HSPG2: variants seen among roughly 807,000 people sequenced by gnomAD.
HSPG2 encodes heparan sulfate proteoglycan 2, also known as basement membrane-specific heparan sulfate proteoglycan core protein.
A neutral mutation model predicts 526.6 loss-of-function variants in HSPG2; 278 were observed. The observed-to-expected ratio is 0.53, with a 90% CI of 0.48 to 0.58. The LOEUF (loss-of-function observed/expected upper bound fraction) is 0.58, where lower values mean the gene tolerates loss of function less well. Ranked by LOEUF, HSPG2 falls within the 20% of genes least tolerant of loss-of-function variation. HSPG2 has a pLI of 0.00. For missense variants in HSPG2, 5,354 were observed against 6,099.5 expected (o/e 0.88, Z 4.07); for synonymous variants, 2,465 against 2,555.4 (o/e 0.96, Z 1.07).
intron 23 of HSPG2, 61 bp from the exon 24 acceptor site, chr1:21,876,103 A>C (rs1020144141): frequency 1.5e-5 from 24 of 1,596,602 alleles, no homozygotes; most frequent in Non-Finnish European, 2.0e-5. Context: ...TCACTGCTCC[A>C]GCCACCTTTT....
chr1:21,851,950 T>G, intron 53 of HSPG2, 24 bp from the exon 54 acceptor site: 1 of 1,603,692 alleles, frequency 6.2e-7, no homozygotes. Flanking sequence ...GGCAGAGGTG[T>G]GAGGGGGGCT....
rs1210048493 is a variant in HSPG2 at position 21,865,750 on chromosome 1, G to A, written c.4281C>T (p.Gly1427=). The A allele has an allele frequency of 6.2e-7, 1 of 1,613,910 alleles. No homozygotes were observed. The highest frequency in any genetic ancestry group is 1.7e-5 in the Admixed American group (1 of 60,028). Residue 1427 remains glycine, a synonymous_variant, in exon 34 of 97, where the codon GGC becomes GGT. Transcript: ENST00000374695. The surrounding 1 kb of genome is among the most constrained non-coding windows in gnomAD (Gnocchi z 5.4). The part of the protein sequence containing the change: ...YTLSYTAGPQ[G]SPLSDPDVQI... ...GCACATCGGGGTCAGAGAGTGGGCT[G>A]CCCTGTGGGCCTGCTGTGTAGGAGA...
chr1:21,888,308 A>C (rs542984418), intron 6 of HSPG2, among the ~76,000 whole-genome samples: 1 of 152,340 alleles, frequency 6.6e-6, no homozygotes, highest in African/African-American at 2.4e-5. Flanking sequence ...GACATGCCAC[A>C]CGCATGCAAC....
chr1:21,920,608 G>A (rs1043256602), intron 1 of HSPG2, among the ~76,000 whole-genome samples: 1 of 152,136 alleles, frequency 6.6e-6, no homozygotes, highest in Non-Finnish European at 1.5e-5. Context: ...TGAACTGACC[G>A]TACTCTCTCT....
rs79500809 is a variant in HSPG2 at position 21,847,875 on chromosome 1, G to A, written c.7874-35C>T. 23 of 1,613,748 alleles carry A rather than the reference G, an allele frequency of 1.4e-5. No individual in the cohort carries two copies. Among genetic ancestry groups the A allele is most frequent in the Admixed American group, 5.0e-5 (3 of 60,000 alleles). ...GACGGGTGTGGACCACGCAGCCAGA[G>A]TGAGATAACAGTGATGGCACCGGGG... On this transcript the variant is annotated intron_variant, in intron 60 of 96. Transcript: ENST00000374695. The surrounding 1 kb of genome is among the most constrained non-coding windows in gnomAD (Gnocchi z 4.1).
chr1:21,854,633 C>T lies in HSPG2; in HGVS notation c.6266G>A (p.Gly2089Asp). The T allele has an allele frequency of 1.3e-6, 2 of 1,577,078 alleles. No individual in the cohort carries two copies. Among genetic ancestry groups the T allele is most frequent in the Non-Finnish European group, 1.7e-6 (2 of 1,160,254 alleles). ...TACCTGGGTGTGGGGAGGCAGGCTACCCCCTCGCCTGTACCAGGTGACCTG... is the reference window on the plus strand; with the variant it reads ...TACCTGGGTGTGGGGAGGCAGGCTATCCCCTCGCCTGTACCAGGTGACCTG... ...HAQVTWYRRG[G>D]SLPPHTQVHG... Residue 2089 changes from glycine to aspartate, a missense_variant, in exon 49 of 97, where the codon GGT becomes GAT. Transcript: ENST00000374695.
rs546382178 is a variant in HSPG2, at chr1:21,859,074, G to A, written c.5293+492C>T. Among the ~76,000 whole-genome samples the A allele has an allele frequency of 2.7e-4, 41 of 152,154 alleles. 1 individual carries two copies. In the South Asian group the frequency reaches 8.5e-3, roughly 32 times the overall value. On this transcript the variant is annotated intron_variant, in intron 42 of 96. Transcript: ENST00000374695. The surrounding 1 kb of genome is among the most constrained non-coding windows in gnomAD (Gnocchi z 5.3). ...ATTATTATTATTTTTTTAAGACAGAGTCTTGCTCTGTTGCCCAGGCTGGAG... is the reference window on the plus strand; with the variant it reads ...ATTATTATTATTTTTTTAAGACAGAATCTTGCTCTGTTGCCCAGGCTGGAG...
chr1:21,839,716 C>A lies in HSPG2; in HGVS notation c.9709+106G>T. ...ATGCTAGCAACACGGTCTCCCCGTA[C>A]TCCCCACCCCTGGGCATGACATCAT... is the stretch of plus-strand genomic sequence containing the variant. On this transcript the variant is annotated intron_variant, in intron 72 of 96. Transcript: ENST00000374695. The surrounding 1 kb of genome is among the most constrained non-coding windows in gnomAD (Gnocchi z 4.5). 7.0e-7 allele frequency: 1 copy of A among 1,418,634 alleles called. No individual in the cohort carries two copies. The highest frequency in any genetic ancestry group is 9.7e-7 in the Non-Finnish European group (1 of 1,027,256). The allele number at this position is 1,418,634 out of a possible 1,614,324, so 87.9% of individuals were successfully genotyped here. A position where few individuals can be genotyped will look rare whatever the true frequency, so the allele number is the denominator to read the frequency against.
Position 21,830,953 on chromosome 1 carries a change from C to T in HSPG2, c.11671+29G>A, listed in dbSNP as rs575962738. 5.3e-5 allele frequency: 79 copies of T among 1,483,032 alleles called. No individual in the cohort carries two copies. In the South Asian group the frequency reaches 6.4e-4, roughly 12 times the overall value. The allele number at this position is 1,483,032 out of a possible 1,614,324, so 91.9% of individuals were successfully genotyped here. ...CAAAGGGAAGAGGCAGGCCCTGGGG[C>T]GACAGCGACTGGCGGTCGGGGTGCG... On this transcript the variant is annotated intron_variant, in intron 85 of 96. Transcript: ENST00000374695.
Position 21,884,660 on chromosome 1 carries a change from C to G in HSPG2, c.1522G>C (p.Gly508Arg), listed in dbSNP as rs768887883. The G allele has an allele frequency of 4.3e-6, 7 of 1,612,068 alleles. No individual in the cohort carries two copies. In the South Asian group the frequency reaches 4.4e-5, roughly 10 times the overall value. The change falls in exon 13 of 97, where the codon GGC (glycine) becomes CGC (arginine). Residue 508 changes from glycine to arginine, a missense_variant. Gly to Arg is a moderately radical substitution (Grantham distance 125). Coordinates refer to ENST00000374695, the MANE Select transcript of HSPG2 (RefSeq NM_005529.7). ...GCGCTGTGCTCCAGGTAGAAGTGGC[C>G]GTCAGGGCAGGGGCCTGCTGGGCGG... ...LVPQRGPCPDGHFYLEHSAAC... is the reference protein window; with the variant it reads ...LVPQRGPCPDRHFYLEHSAAC...
intron 1 of HSPG2, among the ~76,000 whole-genome samples, chr1:21,928,651 C>T (rs1644268787): frequency 6.6e-6 from 1 of 152,198 alleles, no homozygotes. Context: ...CCATCTTGGC[C>T]AGGCTGGTCT....
intron 17 of HSPG2, 37 bp from the exon 18 acceptor site, chr1:21,879,158 G>A: frequency 6.2e-7 from 1 of 1,613,676 alleles, no homozygotes; most frequent in Non-Finnish European, 8.5e-7. Context: ...AACTTCTAGA[G>A]CAGAACTGGG....
intron 1 of HSPG2, among the ~76,000 whole-genome samples, chr1:21,929,581 G>C (rs1197088926): frequency 7.6e-6 from 1 of 131,632 alleles, no homozygotes; most frequent in Non-Finnish European, 1.6e-5. Context: ...CCCACCTGCC[G>C]GTTTTTTTTT....
At position 21,838,995 on chromosome 1, in the gene HSPG2, G is replaced by C; in HGVS notation, c.9980C>G (p.Pro3327Arg). The change falls in exon 74 of 97, where the codon CCA becomes CGA. Residue 3327 changes from proline to arginine, a missense_variant. Coordinates refer to ENST00000374695, the MANE Select transcript of HSPG2 (RefSeq NM_005529.7). ...CACGCGGCTCCACTGGAAGGTGAGT[G>C]GGGGTGTCCCGTGAGCCAGGCACTG... ...QLQCLAHGTP[P>R]LTFQWSRVGS... is the part of the protein sequence containing the mutation. 2.5e-6 allele frequency: 4 copies of C among 1,610,724 alleles called. No individual in the cohort carries two copies. Among genetic ancestry groups the C allele is most frequent in the Non-Finnish European group, 3.4e-6 (4 of 1,177,458 alleles).
intron 3 of HSPG2, among the ~76,000 whole-genome samples, chr1:21,892,640 C>G (rs1642447778): frequency 6.6e-6 from 1 of 152,146 alleles, no homozygotes; most frequent in Non-Finnish European, 1.5e-5. Flanking sequence ...TTTGGGAGGC[C>G]GAGGCCGGCA....
In HSPG2 at chr1:21,822,564, G is replaced by T; in HGVS notation, c.*752C>A. On this transcript the variant is annotated 3_prime_UTR_variant, in exon 97 of 97. Transcript: ENST00000374695. ...TGGGTGGGGATGTGGCCTGGGGTGG[G>T]CGGGGCCCGGTGGGCGGGGCCCTAT... The T allele has an allele frequency of 3.2e-6, 1 of 316,310 alleles. No homozygotes were observed. The allele number at this position is 316,310 out of a possible 1,614,324, so 19.6% of individuals were successfully genotyped here.
chr1:21,873,867 A>G, intron 29 of HSPG2, 58 bp downstream of exon 29: 1 of 1,444,992 alleles, frequency 6.9e-7, no homozygotes, highest in Non-Finnish European at 9.5e-7. Context: ...GCCCTGCCTG[A>G]GGATTCCAGG....
chr1:21,833,935 A>C lies in HSPG2; in HGVS notation c.10721-10T>G. On this transcript the variant is annotated splice_polypyrimidine_tract_variant and intron_variant, in intron 77 of 96. Transcript: ENST00000374695. The stretch of plus-strand genomic sequence containing the variant: ...GAGATCTGGGGCAAGGCTGAGAGGC[A>C]TGGAAGAGACATAGGCCATCAACAT... The C allele has an allele frequency of 6.4e-7, 1 of 1,557,104 alleles. No individual in the cohort carries two copies. The highest frequency in any genetic ancestry group is 8.7e-7 in the Non-Finnish European group (1 of 1,145,024).
chr1:21,851,460 G>C, intron 55 of HSPG2, 86 bp downstream of exon 55: 1 of 1,594,036 alleles, frequency 6.3e-7, no homozygotes, highest in Non-Finnish European at 8.6e-7. Flanking sequence ...CCTGATCTCA[G>C]GGGAGCCTCT....
Sources: allele counts gnomAD v4.1 joint callset (sites outside exome capture counted in the v4.1 genomes callset), GRCh38; gene constraint gnomAD v4.1.1; non-coding constraint Gnocchi (gnomAD v3.1); transcripts MANE v1.5; gene names NCBI Gene and HGNC (gene_info 2026-07-23, HGNC 2026-07-21).